The following DLG2 variants were observed in gnomAD, a reference collection of about 807,000 sequenced individuals.
The protein encoded by DLG2 is discs large MAGUK scaffold protein 2, also known as disks large homolog 2.
DLG2 carries 45 observed loss-of-function variants against 132.5 expected under a neutral mutation model. The observed-to-expected ratio is 0.34, with a 90% CI of 0.27 to 0.44. The LOEUF (loss-of-function observed/expected upper bound fraction) is 0.44, where lower values mean the gene tolerates loss of function less well. Ranked by LOEUF, DLG2 falls within the 20% of genes least tolerant of loss-of-function variation. DLG2 has a pLI of 1.00. For synonymous variants in DLG2, 424 were observed against 419.6 expected (o/e 1.01, Z -0.13); for missense variants, 1,045 against 1,196.9 (o/e 0.87, Z 1.87).
chr11:83,467,574 C>T (rs1252725610), intron 25 of DLG2, among the ~76,000 whole-genome samples: 3 of 151,206 alleles, frequency 2.0e-5, no homozygotes, highest in Non-Finnish European at 4.4e-5. Flanking sequence ...AATGGTGAGA[C>T]CCTGTCTCTG....
At chr11:84,274,527 C>T (rs1003120149) in intron 7 of DLG2, among the ~76,000 whole-genome samples, 5 of 152,160 alleles carry the variant, frequency 3.3e-5, no homozygotes, top group Admixed American at 1.3e-4. Context: ...TTTGGAAGAG[C>T]AGCATGATTT....
chr11:84,363,770 C>T (rs1166877855), intron 7 of DLG2, among the ~76,000 whole-genome samples: 1 of 151,410 alleles, frequency 6.6e-6, no homozygotes, highest in Non-Finnish European at 1.5e-5. Context: ...AATAGGGAAT[C>T]CTTTCCCCAT....
At chr11:85,137,065 C>A (rs749587261) in intron 5 of DLG2, among the ~76,000 whole-genome samples, 3 of 151,596 alleles carry the variant, frequency 2.0e-5, no homozygotes, top group Non-Finnish European at 4.4e-5. Flanking sequence ...AAGGTATTTG[C>A]AAATAAAAAT....
intron 3 of DLG2, among the ~76,000 whole-genome samples, chr11:85,391,139 T>C (rs564635737): frequency 6.4e-4 from 97 of 152,134 alleles, no homozygotes; most frequent in African/African-American, 2.3e-3. Context: ...CAAAAGATCA[T>C]TCAAGGCTAT....
intron 7 of DLG2, among the ~76,000 whole-genome samples, chr11:84,505,724 A>G (rs571158998): frequency 1.3e-5 from 2 of 152,314 alleles, no homozygotes; most frequent in East Asian, 3.9e-4. Context: ...TAGTAAAAAG[A>G]AATGTGACAT....
intron 18 of DLG2, among the ~76,000 whole-genome samples, chr11:83,667,994 A>AAT (rs1555311501): frequency 6.1e-5 from 9 of 147,724 alleles, no homozygotes; most frequent in Non-Finnish European, 9.0e-5. Flanking sequence ...AAAAAAAAAA[A>AAT]AAAGAAATTA....
At chr11:84,252,616 G>A (rs2097401994) in intron 7 of DLG2, among the ~76,000 whole-genome samples, 1 of 152,058 alleles carries the variant, frequency 6.6e-6, no homozygotes, top group East Asian at 1.9e-4. Flanking sequence ...AACTGATACA[G>A]GAGTGCTACA....
chr11:85,554,026 A>C (rs949766773), intron 3 of DLG2, among the ~76,000 whole-genome samples: 1 of 151,502 alleles, frequency 6.6e-6, no homozygotes, highest in Non-Finnish European at 1.5e-5. Flanking sequence ...ATAGCCAAAA[A>C]CTTAAAAGTC....
At chr11:84,013,661 G>A (rs2095011740) in intron 11 of DLG2, among the ~76,000 whole-genome samples, 1 of 151,912 alleles carries the variant, frequency 6.6e-6, no homozygotes, top group Non-Finnish European at 1.5e-5. Context: ...GAGGTCAGAA[G>A]TTCGAGATCA....
chr11:85,297,876 A>C (rs1235856456), intron 3 of DLG2, among the ~76,000 whole-genome samples: 2 of 152,194 alleles, frequency 1.3e-5, no homozygotes, highest in Non-Finnish European at 2.9e-5. Flanking sequence ...AGGTAGGCTA[A>C]TATGGGCTGT....
At chr11:85,522,120 G>A (rs74752745) in intron 3 of DLG2, among the ~76,000 whole-genome samples, 1 of 152,150 alleles carries the variant, frequency 6.6e-6, no homozygotes, top group African/African-American at 2.4e-5. Flanking sequence ...TTCCTGGGTT[G>A]GGTCCAGGGC....
At chr11:83,848,484 G>T (rs189219002) in intron 16 of DLG2, among the ~76,000 whole-genome samples, 1 of 151,696 alleles carries the variant, frequency 6.6e-6, no homozygotes, top group African/African-American at 2.4e-5. Context: ...TCTCCCTTTT[G>T]TTCCTTATCT....
At chr11:85,519,472 T>A (rs1055601964) in intron 3 of DLG2, among the ~76,000 whole-genome samples, 4 of 152,206 alleles carry the variant, frequency 2.6e-5, no homozygotes, top group Non-Finnish European at 4.4e-5. Flanking sequence ...CAATGTCTCC[T>A]ATTTGGAATG....
intron 7 of DLG2, among the ~76,000 whole-genome samples, chr11:84,429,960 G>C (rs1160479014): frequency 6.6e-6 from 1 of 152,160 alleles, no homozygotes; most frequent in Non-Finnish European, 1.5e-5. Context: ...CTCATTTCCA[G>C]CTTATCTCTT....
At chr11:85,413,332 A>AT (rs1042624578) in intron 3 of DLG2, among the ~76,000 whole-genome samples, 4 of 151,778 alleles carry the variant, frequency 2.6e-5, no homozygotes, top group African/African-American at 7.3e-5. Context: ...GATTCTGAAG[A>AT]TTTTTTCCCA....
intron 6 of DLG2, among the ~76,000 whole-genome samples, chr11:84,600,086 G>GAA (rs11371309): frequency 9.2e-6 from 1 of 108,680 alleles, no homozygotes; most frequent in Non-Finnish European, 1.9e-5. Flanking sequence ...GTGACACCTT[G>GAA]AAAAAAAAAA....
intron 6 of DLG2, among the ~76,000 whole-genome samples, chr11:84,602,255 A>G (rs58097322): frequency 1.3e-5 from 2 of 151,832 alleles, no homozygotes; most frequent in African/African-American, 4.8e-5. Flanking sequence ...CTTTGCATGC[A>G]GTGTCTCAGT....
chr11:85,503,799 G>A (rs143137582), intron 3 of DLG2, among the ~76,000 whole-genome samples: 284 of 152,096 alleles, frequency 1.9e-3, no homozygotes, highest in Middle Eastern at 3.4e-3. Context: ...GGGCATGGTG[G>A]CACACACCTG....
intron 9 of DLG2, among the ~76,000 whole-genome samples, chr11:84,102,148 C>T (rs1265422926): frequency 1.3e-5 from 2 of 152,098 alleles, no homozygotes; most frequent in Admixed American, 6.6e-5. Context: ...AAATTATCAC[C>T]CAACCCTTCT....
Sources: gnomAD v4.1 joint callset for allele counts (sites outside exome capture counted in the v4.1 genomes callset) on GRCh38, gnomAD v4.1.1 for gene constraint, MANE v1.5 for transcripts, NCBI Gene and HGNC (gene_info 2026-07-23, HGNC 2026-07-21) for gene names.